WASF2: variants seen among roughly 807,000 people sequenced by gnomAD.
The protein encoded by WASF2 is WASP family member 2.
Under a neutral mutation model 45.0 loss-of-function variants are expected in WASF2, and 14 were observed. The ratio of observed to expected loss-of-function variants is 0.31; its 90% CI spans 0.21 to 0.49. WASF2 has a LOEUF of 0.49. WASF2 is among the 20% of genes least tolerant of loss of function. WASF2 has a pLI of 0.99. For missense variants in WASF2, 439 were observed against 636.1 expected (o/e 0.69, Z 3.33); for synonymous variants, 200 against 236.3 (o/e 0.85, Z 1.41).
intron 6 of WASF2, among the ~76,000 whole-genome samples, chr1:27,413,661 G>C (rs1268591111): frequency 6.6e-6 from 1 of 152,108 alleles, no homozygotes; most frequent in Non-Finnish European, 1.5e-5. Flanking sequence ...AAACCGCCTG[G>C]ACAACAGGAA....
At chr1:27,429,779 A>G (rs572241148) in intron 1 of WASF2, among the ~76,000 whole-genome samples, 9 of 151,396 alleles carry the variant, frequency 5.9e-5, no homozygotes, top group African/African-American at 2.2e-4. Flanking sequence ...TCCGTCTCAA[A>G]AAAAAAAAAA....
chr1:27,484,756 T>G (rs1452544757), intron 1 of WASF2, among the ~76,000 whole-genome samples: 2 of 139,746 alleles, frequency 1.4e-5, no homozygotes, highest in African/African-American at 2.7e-5. Context: ...AGGTTGCAGT[T>G]AGCCGAGATC....
Position 27,409,882 on chromosome 1 carries a change from C to T in WASF2, c.1149G>A (p.Leu383=). The T allele has an allele frequency of 1.3e-6, 2 of 1,570,554 alleles. No individual in the cohort carries two copies. Among genetic ancestry groups the T allele is most frequent in the South Asian group, 2.4e-5 (2 of 82,990 alleles). Residue 383 remains leucine (L), a synonymous_variant, in exon 8 of 9, where the codon TTG becomes TTA. Coordinates refer to ENST00000618852, the MANE Select transcript of WASF2 (RefSeq NM_006990.5). ...ADYPTLPPPP[L]SQPTGGAPPP... The stretch of plus-strand genomic sequence containing the variant: ...GAGGTGCTCCTCCTGTTGGCTGGGA[C>T]AAGGGAGGTGGTGGCAGAGTTGGGT...
intron 2 of WASF2, among the ~76,000 whole-genome samples, chr1:27,422,388 G>A (rs534665027): frequency 9.9e-5 from 15 of 152,238 alleles, no homozygotes; most frequent in African/African-American, 3.1e-4. Flanking sequence ...GGGAGGCTGA[G>A]GTGGGCGGAT....
At chr1:27,462,841 A>T (rs2017564637) in intron 1 of WASF2, among the ~76,000 whole-genome samples, 2 of 148,958 alleles carry the variant, frequency 1.3e-5, no homozygotes, top group Non-Finnish European at 3.0e-5. Context: ...TATTATTTTA[A>T]TTTTTTTTTT....
chr1:27,479,082 C>T (rs2017811058), intron 1 of WASF2, among the ~76,000 whole-genome samples: 1 of 151,826 alleles, frequency 6.6e-6, no homozygotes, highest in Non-Finnish European at 1.5e-5. Flanking sequence ...GTCAGGAGTT[C>T]AAGACCACCC....
intron 1 of WASF2, among the ~76,000 whole-genome samples, chr1:27,472,786 C>T (rs111759217): frequency 0.032 from 4,693 of 147,326 alleles, 242 homozygotes; most frequent in African/African-American, 0.11. Context: ...CAAAGCAAGA[C>T]CCCATCTTTA....
At chr1:27,445,323 CACAG>C (rs1040533729) in intron 1 of WASF2, among the ~76,000 whole-genome samples, 2 of 152,126 alleles carry the variant, frequency 1.3e-5, no homozygotes, top group Non-Finnish European at 2.9e-5. Context: ...ATGAAAGTCA[CACAG>C]ACAGACAGCT....
At chr1:27,478,230 A>G (rs2017796726) in intron 1 of WASF2, among the ~76,000 whole-genome samples, 1 of 151,880 alleles carries the variant, frequency 6.6e-6, no homozygotes, top group Non-Finnish European at 1.5e-5. Flanking sequence ...TAAAAAAGGA[A>G]AGAAAGAAAA....
chr1:27,439,929 C>T (rs1196107870), intron 1 of WASF2, among the ~76,000 whole-genome samples: 5 of 152,040 alleles, frequency 3.3e-5, no homozygotes, highest in African/African-American at 7.2e-5. Context: ...TAACGCGGGA[C>T]GTTGAAGCTG....
chr1:27,471,023 T>C (rs1157807960), intron 1 of WASF2, among the ~76,000 whole-genome samples: 1 of 152,102 alleles, frequency 6.6e-6, no homozygotes, highest in Non-Finnish European at 1.5e-5. Flanking sequence ...TGGCAGTTAC[T>C]GCATGAAGGT....
Position 27,414,640 on chromosome 1 carries a change from T to G in WASF2, c.668+193A>C, listed in dbSNP as rs2148100925. ...ACTCCAATCACCTCATTTAAATTGC[T>G]GAATCTCTTGATTTATTTAGCAAAT... On this transcript the variant is annotated intron_variant, in intron 6 of 8. Transcript: ENST00000618852. The surrounding 1 kb of genome is among the most constrained non-coding windows in gnomAD (Gnocchi z 4.1). Among the ~76,000 whole-genome samples the G allele has an allele frequency of 6.6e-6, 1 of 152,338 alleles. No homozygotes were observed. Among genetic ancestry groups the G allele is most frequent in the East Asian group, 1.9e-4 (1 of 5,184 alleles).
chr1:27,430,225 C>A (rs1173650990), intron 1 of WASF2, among the ~76,000 whole-genome samples: 2 of 152,194 alleles, frequency 1.3e-5, no homozygotes, highest in Non-Finnish European at 2.9e-5. Context: ...ATGAACTGAT[C>A]CTCTTTCCAC....
At chr1:27,426,066 A>G (rs2016976682) in intron 2 of WASF2, among the ~76,000 whole-genome samples, 1 of 152,178 alleles carries the variant, frequency 6.6e-6, no homozygotes, top group Admixed American at 6.5e-5. Flanking sequence ...GACAGACTGT[A>G]GAAAATGAGG....
chr1:27,456,586 T>G (rs2017470713), intron 1 of WASF2, among the ~76,000 whole-genome samples: 1 of 152,172 alleles, frequency 6.6e-6, no homozygotes, highest in East Asian at 1.9e-4. Context: ...AGGCTGTATC[T>G]TGAAAGTGAT....
intron 1 of WASF2, among the ~76,000 whole-genome samples, chr1:27,468,962 A>G (rs992917240): frequency 5.3e-5 from 8 of 151,942 alleles, no homozygotes; most frequent in Non-Finnish European, 7.4e-5. Flanking sequence ...AGCTATGTAA[A>G]CCAAATCAAT....
At chr1:27,454,167 A>G (rs1440686779) in intron 1 of WASF2, among the ~76,000 whole-genome samples, 2 of 44,360 alleles carry the variant, frequency 4.5e-5, no homozygotes, top group African/African-American at 1.1e-4. Context: ...ATATATATAT[A>G]TATATATATA....
At chr1:27,455,345 G>C (rs2017453183) in intron 1 of WASF2, among the ~76,000 whole-genome samples, 1 of 152,090 alleles carries the variant, frequency 6.6e-6, no homozygotes, top group African/African-American at 2.4e-5. Context: ...TAATTAACCA[G>C]ATGAAGTCTG....
intron 2 of WASF2, among the ~76,000 whole-genome samples, chr1:27,420,617 G>A (rs1442774418): frequency 1.4e-5 from 2 of 139,852 alleles, no homozygotes; most frequent in African/African-American, 2.6e-5. Flanking sequence ...TGCCTCCCGC[G>A]TTCAAGTGAT....
Sources: allele counts gnomAD v4.1 joint callset (sites outside exome capture counted in the v4.1 genomes callset), GRCh38; gene constraint gnomAD v4.1.1; non-coding constraint Gnocchi (gnomAD v3.1); transcripts MANE v1.5; gene names NCBI Gene and HGNC (gene_info 2026-07-23, HGNC 2026-07-21).